LYPLA1: variants seen among roughly 807,000 people sequenced by gnomAD.
LYPLA1 encodes lysophospholipase 1, also known as acyl-protein thioesterase 1.
Under a neutral mutation model 34.0 loss-of-function variants are expected in LYPLA1, and 17 were observed. The observed-to-expected ratio is 0.50, with a 90% confidence interval of 0.34 to 0.75. The LOEUF (loss-of-function observed/expected upper bound fraction) is 0.75. Among genes scored for constraint, LYPLA1 ranks in the 30% least tolerant of loss-of-function variants. LYPLA1 has a pLI of 0.01. For missense variants in LYPLA1, 203 were observed against 288.8 expected, an observed-to-expected ratio of 0.70 and a Z score of 2.15; for synonymous variants, 98 against 100.8, an observed-to-expected ratio of 0.97 and a Z score of 0.17.
At chr8:54,062,668 C>T (rs1214513848) in intron 4 of LYPLA1, among the ~76,000 whole-genome samples, 3 of 152,136 alleles carry the variant, frequency 2.0e-5, no homozygotes, top group African/African-American at 7.2e-5. Context: ...CATGCCACCA[C>T]ACCCGGCTAA....
chr8:54,081,761 C>T (rs1485572604), intron 2 of LYPLA1, among the ~76,000 whole-genome samples: 1 of 149,512 alleles, frequency 6.7e-6, no homozygotes, highest in Admixed American at 6.7e-5. Context: ...TGCTCTTCTG[C>T]TCTTGTTGCC....
At chr8:54,096,465 A>G (rs539823713) in intron 2 of LYPLA1, among the ~76,000 whole-genome samples, 3 of 152,108 alleles carry the variant, frequency 2.0e-5, no homozygotes, top group Non-Finnish European at 4.4e-5. Context: ...CTGACTGGAC[A>G]CTATGGCTCA....
intron 2 of LYPLA1, among the ~76,000 whole-genome samples, chr8:54,079,664 G>A (rs1808167952): frequency 6.6e-6 from 1 of 151,940 alleles, no homozygotes; most frequent in African/African-American, 2.4e-5. Context: ...TTAGCTGGGA[G>A]CGCTCCTGCA....
intron 5 of LYPLA1, among the ~76,000 whole-genome samples, chr8:54,057,722 A>G (rs1262093300): frequency 6.6e-6 from 1 of 152,200 alleles, no homozygotes; most frequent in Non-Finnish European, 1.5e-5. Context: ...AAAAAATAGA[A>G]TAAGACCTAC....
At chr8:54,057,929 C>T (rs190130814) in intron 5 of LYPLA1, among the ~76,000 whole-genome samples, 45 of 152,224 alleles carry the variant, frequency 3.0e-4, no homozygotes, top group African/African-American at 1.1e-3. Flanking sequence ...TAAATATGTA[C>T]ACCTATGTAC....
chr8:54,088,323 G>C (rs1808954471), intron 2 of LYPLA1, among the ~76,000 whole-genome samples: 1 of 152,110 alleles, frequency 6.6e-6, no homozygotes, highest in African/African-American at 2.4e-5. Flanking sequence ...TTTAAAGAGG[G>C]ACCTCTATTT....
At chr8:54,058,184 G>GTACGTAGTTAAGTGTTT (rs1806345960) in intron 5 of LYPLA1, among the ~76,000 whole-genome samples, 1 of 152,140 alleles carries the variant, frequency 6.6e-6, no homozygotes, top group Admixed American at 6.5e-5. Context: ...GTTAAGTGTT[G>GTACGTAGTTAAGTGTTT]TACGTAGTTA....
chr8:54,100,408 T>C (rs1278813720), intron 2 of LYPLA1: 1 of 153,358 alleles, frequency 6.5e-6, no homozygotes, highest in East Asian at 1.9e-4. Flanking sequence ...AATAAGTAGT[T>C]AGTACAACAA....
chr8:54,065,552 C>A (rs564750208), intron 3 of LYPLA1, among the ~76,000 whole-genome samples, 196 bp downstream of exon 3: 1 of 121,066 alleles, frequency 8.3e-6, no homozygotes. Context: ...AATTGCTTAA[C>A]GAAAGAGAAA....
intron 5 of LYPLA1, among the ~76,000 whole-genome samples, chr8:54,058,303 A>AATTCC (rs1246473149): frequency 3.3e-5 from 5 of 152,130 alleles, no homozygotes; most frequent in Non-Finnish European, 7.4e-5. Flanking sequence ...AGCACTTTGG[A>AATTCC]AGGCTGAGGC....
chr8:54,045,324 G>A (rs145030088), downstream of LYPLA1, among the ~76,000 whole-genome samples: 1 of 152,302 alleles, frequency 6.6e-6, no homozygotes, highest in African/African-American at 2.4e-5. Flanking sequence ...GGCTGCAACA[G>A]TAGGCAAATT....
At chr8:54,075,125 C>A (rs889710572) in intron 2 of LYPLA1, among the ~76,000 whole-genome samples, 1 of 152,148 alleles carries the variant, frequency 6.6e-6, no homozygotes, top group Non-Finnish European at 1.5e-5. Context: ...ATATGGAACC[C>A]CACAGATGCA....
intron 2 of LYPLA1, among the ~76,000 whole-genome samples, chr8:54,092,971 T>A (rs1002518240): frequency 6.6e-6 from 1 of 152,170 alleles, no homozygotes. Flanking sequence ...CCCAACCCCA[T>A]TCATGTAGCA....
At chr8:54,076,486 T>C (rs1807913566) in intron 2 of LYPLA1, among the ~76,000 whole-genome samples, 1 of 152,190 alleles carries the variant, frequency 6.6e-6, no homozygotes, top group Non-Finnish European at 1.5e-5. Context: ...TTTGCTTTTA[T>C]ATCTCTTTGC....
chr8:54,073,440 T>C, intron 2 of LYPLA1: 1 of 773,844 alleles, frequency 1.3e-6, no homozygotes, highest in Non-Finnish European at 2.4e-6. Context: ...CTCAGCCATT[T>C]ATCTACCTGG....
intron 7 of LYPLA1, 80 bp from the exon 8 acceptor site, chr8:54,051,268 A>C: frequency 8.5e-7 from 1 of 1,179,472 alleles, no homozygotes. Context: ...ATTGTACATA[A>C]ATATGCATAT....
chr8:54,052,200 T>C lies in LYPLA1; in HGVS notation c.462+455A>G, dbSNP rs191448357. ...GTTAAAAAAAGTCCTAATTTTCATA[T>C]ATATCCTAAAATGTATCAAATCCTT... On this transcript the variant is annotated intron_variant, in intron 7 of 8. Coordinates refer to ENST00000316963, the MANE Select transcript of LYPLA1 (RefSeq NM_006330.4). Among the ~76,000 whole-genome samples the C allele has an allele frequency of 6.6e-5, 10 of 152,306 alleles. No individual in the cohort carries two copies. The East Asian group carries it at 1.5e-3, about 23-fold the overall frequency.
At position 54,093,972 on chromosome 8, in the gene LYPLA1, A is replaced by G. The variant is rs185574054; in HGVS notation, c.101+6936T>C. Among the ~76,000 whole-genome samples the G allele has an allele frequency of 1.4e-3, 213 of 152,316 alleles. 1 individual carries two copies. The highest frequency in any genetic ancestry group is 3.4e-3 in the Middle Eastern group (1 of 294). ...ATTCCTTGTAATTAAATGATCTCCA[A>G]ATCACATTCTATAATTCTATTATTA... On this transcript the variant is annotated intron_variant, in intron 2 of 8. Transcript: ENST00000316963.
At chr8:54,094,456 A>C (rs1809529430) in intron 2 of LYPLA1, among the ~76,000 whole-genome samples, 1 of 152,220 alleles carries the variant, frequency 6.6e-6, no homozygotes, top group South Asian at 2.1e-4. Flanking sequence ...CAGGTTCCTC[A>C]CGGAATTACA....
Sources: gnomAD v4.1 joint callset for allele counts (sites outside exome capture counted in the v4.1 genomes callset) on GRCh38, gnomAD v4.1.1 for gene constraint, MANE v1.5 for transcripts, NCBI Gene and HGNC (gene_info 2026-07-23, HGNC 2026-07-21) for gene names.